ASCC3: variants seen among roughly 807,000 people sequenced by gnomAD.
ASCC3 encodes activating signal cointegrator 1 complex subunit 3, also known as ASC-1 complex subunit P200.
ASCC3 carries 158 observed loss-of-function variants against 256.3 expected under a neutral mutation model. The observed-to-expected ratio is 0.62, with a 90% CI of 0.54 to 0.70. The LOEUF is 0.70. Ranked by LOEUF, ASCC3 falls within the 30% of genes least tolerant of loss-of-function variation. The probability of loss-of-function intolerance (pLI) is 0.00; values close to 1 mark genes in which losing one functional copy is unlikely to be tolerated. For synonymous variants in ASCC3, 948 were observed against 883.4 expected (o/e 1.07, Z -1.30); for missense variants, 2,259 against 2,626.0 (o/e 0.86, Z 3.05).
At chr6:100,661,771 G>T in intron 16 of ASCC3, 35 bp downstream of exon 16, 1 of 1,592,054 alleles carries the variant, frequency 6.3e-7, no homozygotes, top group South Asian at 1.1e-5. Flanking sequence ...TAAGGCTGAT[G>T]ATTCTATTCC....
At chr6:100,793,065 GA>G (rs1414141250) in intron 8 of ASCC3, among the ~76,000 whole-genome samples, 3 of 151,932 alleles carry the variant, frequency 2.0e-5, no homozygotes, top group Non-Finnish European at 4.4e-5. Context: ...TACAAGATCT[GA>G]AAAGCCTGGC....
In ASCC3 at chr6:100,655,765, G is replaced by A. The variant is rs779469413; in HGVS notation, c.2757C>T (p.Tyr919=). ...NVEEAVKWIS[Y]TYLYVRMRAN... ...CTCTCATCCGTACATAAAGATAAGT[G>A]TAACTTATCCACTTCACTGCTTCTT... The change falls in exon 17 of 42, where the codon TAC becomes TAT. Residue 919 remains tyrosine (Y), a synonymous_variant. Coordinates refer to ENST00000369162, the MANE Select transcript of ASCC3 (RefSeq NM_006828.4). 1 of 1,610,630 alleles carries A rather than the reference G, an allele frequency of 6.2e-7. No individual in the cohort carries two copies. Among genetic ancestry groups the A allele is most frequent in the Non-Finnish European group, 8.5e-7 (1 of 1,177,884 alleles).
chr6:100,667,196 A>G (rs1776518526), intron 14 of ASCC3, among the ~76,000 whole-genome samples: 1 of 152,194 alleles, frequency 6.6e-6, no homozygotes, highest in Non-Finnish European at 1.5e-5. Context: ...CAGTGATCTG[A>G]TAGTTTGATC....
At chr6:100,589,534 G>A in intron 36 of ASCC3, 100 bp downstream of exon 36, 1 of 1,409,144 alleles carries the variant, frequency 7.1e-7, no homozygotes, top group South Asian at 1.2e-5. Context: ...CAGAGGAAAG[G>A]GCTTTACAAA....
chr6:100,619,334 A>T (rs1773829271), intron 30 of ASCC3, among the ~76,000 whole-genome samples: 1 of 152,208 alleles, frequency 6.6e-6, no homozygotes, highest in East Asian at 1.9e-4. Flanking sequence ...TGGATGAACA[A>T]ACAAAATGTG....
Position 100,789,455 on chromosome 6 carries a change from G to C in ASCC3, c.1395+9258C>G, listed in dbSNP as rs191425638. On this transcript the variant is annotated intron_variant, in intron 8 of 41. Coordinates refer to ENST00000369162, the MANE Select transcript of ASCC3 (RefSeq NM_006828.4). Reference sequence around the variant, plus strand: ...ACTTGAGATTTTCATTCATTTGCCAGGGGGAAATAGTAATTTGTACATTTC... The same window carrying C: ...ACTTGAGATTTTCATTCATTTGCCACGGGGAAATAGTAATTTGTACATTTC... Among the ~76,000 whole-genome samples, 7 of 151,976 alleles carry C rather than the reference G, an allele frequency of 4.6e-5. No individual in the cohort carries two copies. The South Asian group carries it at 6.2e-4, about 14-fold the overall frequency.
intron 30 of ASCC3, among the ~76,000 whole-genome samples, chr6:100,612,931 T>C (rs1423698067): frequency 1.7e-5 from 2 of 119,106 alleles, no homozygotes; most frequent in Non-Finnish European, 3.8e-5. Context: ...AGTAAATATA[T>C]AAGTGAAATA....
chr6:100,663,246 T>C (rs1172558470), intron 14 of ASCC3, among the ~76,000 whole-genome samples: 3 of 152,090 alleles, frequency 2.0e-5, no homozygotes, highest in Non-Finnish European at 4.4e-5. Flanking sequence ...TCCTTCCTTA[T>C]CTGTAGTTTT....
At chr6:100,532,620 C>CA (rs1173498415) in intron 37 of ASCC3, among the ~76,000 whole-genome samples, 3 of 151,322 alleles carry the variant, frequency 2.0e-5, no homozygotes, top group Non-Finnish European at 4.4e-5. Context: ...CAGGCACTCT[C>CA]TAAGGTCTAG....
intron 8 of ASCC3, among the ~76,000 whole-genome samples, chr6:100,783,118 T>G (rs1782523847): frequency 6.6e-6 from 1 of 152,164 alleles, no homozygotes; most frequent in Non-Finnish European, 1.5e-5. Flanking sequence ...ATATAAATAT[T>G]TCATATTAAG....
intron 37 of ASCC3, among the ~76,000 whole-genome samples, chr6:100,525,180 A>AAG (rs1252960784): frequency 3.9e-4 from 58 of 147,826 alleles, no homozygotes; most frequent in Non-Finnish European, 7.2e-4. Context: ...AAAAAAAAAA[A>AAG]AAAGAAAGAA....
At chr6:100,805,314 C>T (rs1208463834) in intron 5 of ASCC3, among the ~76,000 whole-genome samples, 1 of 151,986 alleles carries the variant, frequency 6.6e-6, no homozygotes, top group Non-Finnish European at 1.5e-5. Context: ...ACATTGGGTA[C>T]ACACAGACAC....
intron 7 of ASCC3, 122 bp downstream of exon 7, chr6:100,799,309 C>G: frequency 8.9e-7 from 1 of 1,119,364 alleles, no homozygotes; most frequent in African/African-American, 1.5e-5. Context: ...TTCCCCAATA[C>G]TTTAAAATAA....
chr6:100,829,376 G>A lies in ASCC3; in HGVS notation c.801+18772C>T, dbSNP rs186784817. Among the ~76,000 whole-genome samples the A allele has an allele frequency of 4.8e-4, 73 of 152,024 alleles. 1 individual carries two copies. The East Asian group carries it at 7.6e-3, about 16-fold the overall frequency. On this transcript the variant is annotated intron_variant, in intron 4 of 41. Coordinates refer to ENST00000369162, the MANE Select transcript of ASCC3 (RefSeq NM_006828.4). ...GGCTGCAGGTCCTGAGCCCTGCCCC[G>A]TGGGAAGGCAGCTAAGACCTGGCCA...
chr6:100,509,597 T>C (rs2114595868), intron 41 of ASCC3, 64 bp from the exon 42 acceptor site: 1 of 1,498,410 alleles, frequency 6.7e-7, no homozygotes, highest in East Asian at 2.4e-5. Context: ...TATTTAATTC[T>C]TTCAGAACTT....
At chr6:100,765,270 T>G (rs1044400869) in intron 10 of ASCC3, among the ~76,000 whole-genome samples, 1 of 152,084 alleles carries the variant, frequency 6.6e-6, no homozygotes, top group African/African-American at 2.4e-5. Context: ...AATGGACCCC[T>G]CCTCTTACAA....
At chr6:100,788,983 C>G (rs1053086886) in intron 8 of ASCC3, among the ~76,000 whole-genome samples, 2 of 151,602 alleles carry the variant, frequency 1.3e-5, no homozygotes, top group African/African-American at 4.8e-5. Flanking sequence ...ACACTGTACC[C>G]CCAAAAGGGT....
intron 36 of ASCC3, among the ~76,000 whole-genome samples, chr6:100,567,353 C>A (rs552232287): frequency 6.6e-6 from 1 of 152,182 alleles, no homozygotes; most frequent in East Asian, 1.9e-4. Context: ...TGACTAGAGG[C>A]ATAGGTGTAC....
At chr6:100,535,888 A>G (rs1314854557) in intron 37 of ASCC3, among the ~76,000 whole-genome samples, 1 of 152,228 alleles carries the variant, frequency 6.6e-6, no homozygotes, top group Non-Finnish European at 1.5e-5. Context: ...AAAACTGCAT[A>G]CCCAAATGTC....
Sources: gnomAD v4.1 joint callset for allele counts (sites outside exome capture counted in the v4.1 genomes callset) on GRCh38, gnomAD v4.1.1 for gene constraint, MANE v1.5 for transcripts, NCBI Gene and HGNC (gene_info 2026-07-23, HGNC 2026-07-21) for gene names.